The following CACNA2D3 variants were observed in gnomAD, a reference collection of about 807,000 sequenced individuals.
The protein encoded by CACNA2D3 is calcium voltage-gated channel auxiliary subunit alpha2delta 3, also known as voltage-dependent calcium channel subunit alpha-2/delta-3.
Under a neutral mutation model 160.6 loss-of-function variants are expected in CACNA2D3, and 60 were observed. The ratio of observed to expected loss-of-function variants is 0.37; its 90% confidence interval spans 0.30 to 0.46. The LOEUF (loss-of-function observed/expected upper bound fraction) is 0.46, where lower values mean the gene tolerates loss of function less well. Ranked by LOEUF, CACNA2D3 falls within the 20% of genes least tolerant of loss-of-function variation. CACNA2D3 has a pLI of 1.00. For missense variants in CACNA2D3, 1,205 were observed against 1,365.0 expected (o/e 0.88, Z 1.85); for synonymous variants, 558 against 492.9 (o/e 1.13, Z -1.75).
At chr3:54,945,221 A>G (rs1701582904) in intron 27 of CACNA2D3, among the ~76,000 whole-genome samples, 1 of 152,190 alleles carries the variant, frequency 6.6e-6, no homozygotes, top group African/African-American at 2.4e-5. Context: ...GGAATATATA[A>G]GTTGGTGTCT....
intron 14 of CACNA2D3, among the ~76,000 whole-genome samples, chr3:54,831,412 C>G (rs984550959): frequency 1.3e-5 from 2 of 152,210 alleles, no homozygotes; most frequent in Admixed American, 6.5e-5. Context: ...CAAGCTTCCT[C>G]TGAATAGAGT....
intron 4 of CACNA2D3, among the ~76,000 whole-genome samples, chr3:54,485,066 C>A (rs184991518): frequency 6.6e-6 from 1 of 151,958 alleles, no homozygotes; most frequent in African/African-American, 2.4e-5. Flanking sequence ...AGGCTGGTCT[C>A]GATCTCCTGA....
At chr3:54,564,023 C>T (rs141149494) in intron 6 of CACNA2D3, among the ~76,000 whole-genome samples, 168 of 152,254 alleles carry the variant, frequency 1.1e-3, no homozygotes, top group African/African-American at 3.9e-3. Flanking sequence ...AAACAGTGGA[C>T]GATTAAAGTT....
chr3:54,779,444 T>G (rs1702491091), intron 13 of CACNA2D3, among the ~76,000 whole-genome samples: 1 of 152,218 alleles, frequency 6.6e-6, no homozygotes, highest in Non-Finnish European at 1.5e-5. Context: ...TGGAATCAAA[T>G]CTGGCTGTCA....
At chr3:54,639,407 A>G (rs1403577199) in intron 10 of CACNA2D3, 1 of 152,692 alleles carries the variant, frequency 6.5e-6, no homozygotes, top group Admixed American at 6.5e-5. Context: ...CCAAGGGAAG[A>G]CTGCCTTCCC....
At chr3:54,699,919 C>T (rs568435852) in intron 11 of CACNA2D3, among the ~76,000 whole-genome samples, 3 of 152,130 alleles carry the variant, frequency 2.0e-5, no homozygotes, top group Non-Finnish European at 4.4e-5. Context: ...CCAAACTATG[C>T]CAACCCAAAC....
chr3:55,045,763 T>G (rs1187436346), intron 35 of CACNA2D3, among the ~76,000 whole-genome samples: 1 of 151,690 alleles, frequency 6.6e-6, no homozygotes, highest in East Asian at 1.9e-4. Context: ...ACTAATAGTT[T>G]TAGTTTATGT....
chr3:54,707,099 A>G (rs1266222242), intron 11 of CACNA2D3, among the ~76,000 whole-genome samples: 1 of 152,244 alleles, frequency 6.6e-6, no homozygotes, highest in South Asian at 2.1e-4. Context: ...CAAGTGAAAG[A>G]AGGCAAGAGC....
intron 2 of CACNA2D3, among the ~76,000 whole-genome samples, chr3:54,240,028 A>G (rs763519984): frequency 6.6e-6 from 1 of 152,246 alleles, no homozygotes; most frequent in Non-Finnish European, 1.5e-5. Flanking sequence ...AAGTTTGCAT[A>G]GGGAACAGAA....
intron 8 of CACNA2D3, among the ~76,000 whole-genome samples, chr3:54,571,857 G>A (rs780549537): frequency 7.2e-5 from 11 of 152,158 alleles, no homozygotes; most frequent in Non-Finnish European, 1.6e-4. Context: ...AGCTACCTCA[G>A]CTGTGAAGTA....
At chr3:55,009,341 G>A in intron 33 of CACNA2D3, 47 bp from the exon 34 acceptor site, 1 of 1,500,724 alleles carries the variant, frequency 6.7e-7, no homozygotes, top group Non-Finnish European at 9.3e-7. Flanking sequence ...TCTGTGATAT[G>A]GGCATGGATG....
chr3:54,425,644 G>A (rs1699901633), intron 4 of CACNA2D3, among the ~76,000 whole-genome samples: 1 of 152,196 alleles, frequency 6.6e-6, no homozygotes, highest in Admixed American at 6.5e-5. Context: ...GTTTTCCTCT[G>A]AAATTTAGGT....
At chr3:55,001,391 T>G in intron 31 of CACNA2D3, among the ~76,000 whole-genome samples, 1 of 152,226 alleles carries the variant, frequency 6.6e-6, no homozygotes, top group East Asian at 1.9e-4. Context: ...TACCAATACT[T>G]ATAACAGCAG....
chr3:54,375,594 C>T (rs1698999643), intron 3 of CACNA2D3, among the ~76,000 whole-genome samples: 1 of 151,982 alleles, frequency 6.6e-6, no homozygotes, highest in African/African-American at 2.4e-5. Flanking sequence ...TGGTCTGGGG[C>T]CAGAAAGATG....
Position 55,007,859 on chromosome 3 carries a change from G to A in CACNA2D3, c.2819+17G>A, listed in dbSNP as rs1703129984. 6.7e-7 allele frequency: 1 copy of A among 1,499,700 alleles called. No individual in the cohort carries two copies. The highest frequency in any genetic ancestry group is 8.9e-7 in the Non-Finnish European group (1 of 1,123,862). The allele number at this position is 1,499,700 out of a possible 1,614,324, so 92.9% of individuals were successfully genotyped here. Reference sequence around the variant, plus strand: ...ACTTGTCTTGTAAGTAAAATCTGCTGCATTTTTTTGAAAAGTATTAATATT... The same window carrying A: ...ACTTGTCTTGTAAGTAAAATCTGCTACATTTTTTTGAAAAGTATTAATATT... On this transcript the variant is annotated intron_variant, in intron 33 of 37. Coordinates refer to ENST00000474759, the MANE Select transcript of CACNA2D3 (RefSeq NM_018398.3).
intron 2 of CACNA2D3, among the ~76,000 whole-genome samples, chr3:54,248,433 A>T (rs1446072089): frequency 6.7e-6 from 1 of 149,110 alleles, no homozygotes; most frequent in African/African-American, 2.5e-5. Flanking sequence ...ATGAGCTGAG[A>T]TTGTGCCACT....
At chr3:54,418,800 T>C (rs924962608) in intron 4 of CACNA2D3, among the ~76,000 whole-genome samples, 1 of 152,232 alleles carries the variant, frequency 6.6e-6, no homozygotes, top group Non-Finnish European at 1.5e-5. Flanking sequence ...GTATACTGTT[T>C]GGTAGAGATG....
chr3:54,301,835 C>A (rs577394093), intron 2 of CACNA2D3, among the ~76,000 whole-genome samples: 1 of 152,128 alleles, frequency 6.6e-6, no homozygotes. Flanking sequence ...TTAGATTTAC[C>A]GATGTTTGGA....
chr3:54,300,338 G>C (rs1408656266), intron 2 of CACNA2D3, among the ~76,000 whole-genome samples: 1 of 152,232 alleles, frequency 6.6e-6, no homozygotes, highest in East Asian at 1.9e-4. Context: ...AGTGCCACCA[G>C]CAGTCTCTGC....
Sources: gnomAD v4.1 joint callset for allele counts (sites outside exome capture counted in the v4.1 genomes callset) on GRCh38, gnomAD v4.1.1 for gene constraint, MANE v1.5 for transcripts, NCBI Gene and HGNC (gene_info 2026-07-23, HGNC 2026-07-21) for gene names.